Variants in MALRD1 observed in about 807,000 individuals in gnomAD.
MALRD1 encodes the protein MAM and LDL-receptor class A domain-containing protein 1.
A neutral mutation model predicts 242.1 loss-of-function variants in MALRD1; 247 were observed. The ratio of observed to expected loss-of-function variants is 1.02; its 90% confidence interval spans 0.92 to 1.13. The LOEUF (loss-of-function observed/expected upper bound fraction) is 1.13. Among genes scored for constraint, MALRD1 ranks in the 50% most tolerant of loss-of-function variants. The probability of loss-of-function intolerance (pLI) is 0.00; values close to 1 mark genes in which losing one functional copy is unlikely to be tolerated. For synonymous variants in MALRD1, 995 were observed against 866.6 expected (o/e 1.15, Z -2.60); for missense variants, 2,989 against 2,533.1 (o/e 1.18, Z -3.86).
chr10:19,538,810 C>T (rs1834801236), intron 32 of MALRD1, among the ~76,000 whole-genome samples: 2 of 151,320 alleles, frequency 1.3e-5, no homozygotes. Flanking sequence ...AAGCTACTTT[C>T]TAAAACTTCC....
At chr10:19,060,005 A>G (rs1454489459) in intron 1 of MALRD1, among the ~76,000 whole-genome samples, 3 of 152,224 alleles carry the variant, frequency 2.0e-5, no homozygotes, top group Non-Finnish European at 4.4e-5. Context: ...ATCGGCAAGA[A>G]AAGTGTTATG....
chr10:19,699,808 C>A lies in MALRD1; in HGVS notation c.6314+7254C>A, dbSNP rs80079893. On this transcript the variant is annotated intron_variant, in intron 38 of 39. Coordinates refer to ENST00000454679, the MANE Select transcript of MALRD1 (RefSeq NM_001142308.3). ...GCCACACACTTTTAAACGACCAGATCTGGTGAGACCTCACTCACTACAGTA... is the reference window on the plus strand; with the variant it reads ...GCCACACACTTTTAAACGACCAGATATGGTGAGACCTCACTCACTACAGTA... Among the ~76,000 whole-genome samples the A allele has an allele frequency of 3.3e-3, 494 of 151,994 alleles. 5 individuals are homozygous for A. The highest frequency in any genetic ancestry group is 0.012 in the African/African-American group (483 of 41,438).
In MALRD1 at chr10:19,623,515, C is replaced by T. The variant is rs76248486; in HGVS notation, c.6137+7592C>T. Among the ~76,000 whole-genome samples the T allele has an allele frequency of 3.3e-5, 5 of 152,176 alleles. No homozygotes were observed. In the East Asian group the frequency reaches 9.7e-4, roughly 29 times the overall value. ...ACATGCCATCTGCAAATTGAAGAACCAGGAAATACAGTGATGTAATTCAAT... is the reference window on the plus strand; with the variant it reads ...ACATGCCATCTGCAAATTGAAGAACTAGGAAATACAGTGATGTAATTCAAT... On this transcript the variant is annotated intron_variant, in intron 36 of 39. Transcript: ENST00000454679.
chr10:19,551,779 T>G (rs1453972782), intron 32 of MALRD1, among the ~76,000 whole-genome samples: 2 of 152,164 alleles, frequency 1.3e-5, no homozygotes, highest in Non-Finnish European at 2.9e-5. Context: ...ATATCTAGTT[T>G]ATTGAGAGTT....
chr10:19,464,313 T>C (rs1227713558), intron 29 of MALRD1, among the ~76,000 whole-genome samples: 1 of 152,166 alleles, frequency 6.6e-6, no homozygotes, highest in Non-Finnish European at 1.5e-5. Flanking sequence ...GTTTTTCCGA[T>C]GTTACCTTCT....
chr10:19,241,854 T>C (rs1838795699), intron 18 of MALRD1, among the ~76,000 whole-genome samples: 1 of 152,160 alleles, frequency 6.6e-6, no homozygotes, highest in Non-Finnish European at 1.5e-5. Flanking sequence ...TCCATGTTTT[T>C]ATAAAATTTC....
At chr10:19,351,192 T>C (rs1003539153) in intron 25 of MALRD1, among the ~76,000 whole-genome samples, 6 of 152,272 alleles carry the variant, frequency 3.9e-5, no homozygotes, top group African/African-American at 1.4e-4. Flanking sequence ...TGCAGAACAA[T>C]TTCATCACTG....
chr10:19,141,217 A>G (rs1833529037), intron 10 of MALRD1, among the ~76,000 whole-genome samples: 1 of 152,238 alleles, frequency 6.6e-6, no homozygotes, highest in South Asian at 2.1e-4. Context: ...AAATAGATCT[A>G]ATTTTCAGAC....
At chr10:19,397,509 G>C (rs7095340) in intron 28 of MALRD1, among the ~76,000 whole-genome samples, 129,063 of 152,132 alleles carry the variant, frequency 0.85, 55,118 homozygotes, top group African/African-American at 0.9. Context: ...TAAGTTGATT[G>C]CATATCTTGG....
chr10:19,227,785 A>G (rs1837864326), intron 18 of MALRD1, among the ~76,000 whole-genome samples: 1 of 152,180 alleles, frequency 6.6e-6, no homozygotes, highest in Non-Finnish European at 1.5e-5. Context: ...TTAATATAAC[A>G]TTTTGACCTA....
At chr10:19,309,594 T>C (rs1224574773) in intron 21 of MALRD1, among the ~76,000 whole-genome samples, 2 of 151,544 alleles carry the variant, frequency 1.3e-5, no homozygotes, top group African/African-American at 4.8e-5. Flanking sequence ...AAGTAGAGAC[T>C]GTGTGAACAG....
intron 36 of MALRD1, among the ~76,000 whole-genome samples, chr10:19,642,409 C>A (rs1035018019): frequency 1.3e-5 from 2 of 152,066 alleles, no homozygotes; most frequent in Non-Finnish European, 2.9e-5. Context: ...ACAAGAATGA[C>A]AAATTTCTTT....
intron 24 of MALRD1, among the ~76,000 whole-genome samples, chr10:19,338,095 C>A (rs574094797): frequency 6.6e-6 from 1 of 151,778 alleles, no homozygotes; most frequent in Non-Finnish European, 1.5e-5. Flanking sequence ...TACATATACT[C>A]CTTCTTTCCA....
At chr10:19,545,948 A>G (rs1234035057) in intron 32 of MALRD1, among the ~76,000 whole-genome samples, 1 of 152,172 alleles carries the variant, frequency 6.6e-6, no homozygotes, top group East Asian at 1.9e-4. Context: ...GTTAATTTCC[A>G]AGAACTGTGA....
At chr10:19,523,851 A>G (rs1303894000) in intron 31 of MALRD1, among the ~76,000 whole-genome samples, 2 of 152,142 alleles carry the variant, frequency 1.3e-5, no homozygotes, top group Non-Finnish European at 2.9e-5. Flanking sequence ...GGAGTTTATA[A>G]TATTGACTTT....
intron 18 of MALRD1, among the ~76,000 whole-genome samples, chr10:19,225,917 G>T (rs72788005): frequency 0.21 from 31,374 of 151,936 alleles, 3,485 homozygotes; most frequent in East Asian, 0.35. Flanking sequence ...TGGAATCTCT[G>T]ATATCTCTGC....
At chr10:19,342,379 T>C (rs1843924725) in intron 24 of MALRD1, among the ~76,000 whole-genome samples, 1 of 152,152 alleles carries the variant, frequency 6.6e-6, no homozygotes, top group Non-Finnish European at 1.5e-5. Context: ...TTCATTTGTT[T>C]ATTTGGTAAA....
At position 19,108,484 on chromosome 10, in the gene MALRD1, G is replaced by A. The variant is rs1354053648; in HGVS notation, c.694+4409G>A. Among the ~76,000 whole-genome samples, 7 of 24,920 alleles carry A rather than the reference G, an allele frequency of 2.8e-4. 2 individuals are homozygous for A. Among genetic ancestry groups the A allele is most frequent in the African/African-American group, 1.9e-3 (4 of 2,116 alleles). 16.3% of individuals were successfully genotyped at this position (24,920 alleles called of 152,430 possible). A position where few individuals can be genotyped will look rare whatever the true frequency, so the allele number is the denominator to read the frequency against. ...CTGCGGACTGCAGTGGCGCAATCTC[G>A]GCTCACTGCAAGCTCCGCTTCCCGG... On this transcript the variant is annotated intron_variant, in intron 5 of 39. Transcript: ENST00000454679.
intron 25 of MALRD1, among the ~76,000 whole-genome samples, chr10:19,349,001 G>A (rs190276869): frequency 2.6e-5 from 4 of 151,888 alleles, no homozygotes; most frequent in East Asian, 3.9e-4. Flanking sequence ...TCACTCTGTC[G>A]CCCAGGCTGG....
Sources: allele counts gnomAD v4.1 joint callset (sites outside exome capture counted in the v4.1 genomes callset), GRCh38; gene constraint gnomAD v4.1.1; transcripts MANE v1.5; gene names NCBI Gene and HGNC (gene_info 2026-07-23, HGNC 2026-07-21).